The following NCALD variants were observed in gnomAD, a reference collection of about 807,000 sequenced individuals.
NCALD encodes the protein neurocalcin-delta.
NCALD carries 10 observed loss-of-function variants against 18.6 expected under a neutral mutation model. That is an observed-to-expected ratio of 0.54 (90% CI 0.33 to 0.91). NCALD has a LOEUF of 0.91. NCALD is among the 40% of genes least tolerant of loss of function. NCALD has a pLI of 0.03. For synonymous variants in NCALD, 88 were observed against 87.4 expected (o/e 1.01, Z -0.04); for missense variants, 184 against 247.6 (o/e 0.74, Z 1.72).
chr8:101,742,972 C>T (rs973374279), intron 1 of NCALD, among the ~76,000 whole-genome samples: 1 of 152,138 alleles, frequency 6.6e-6, no homozygotes, highest in Non-Finnish European at 1.5e-5. Flanking sequence ...TGGCTTCCAG[C>T]TCCATCCACG....
At chr8:101,878,717 A>AATCCCAAGTGG (rs1816334026) in intron 4 of NCALD, among the ~76,000 whole-genome samples, 4 of 152,246 alleles carry the variant, frequency 2.6e-5, no homozygotes, top group Non-Finnish European at 5.9e-5. Flanking sequence ...AAAATAAATC[A>AATCCCAAGTGG]GACTGATGAT....
rs146086292 is a variant in NCALD at position 101,762,157 on chromosome 8, T to C, written c.-20+28705A>G. On this transcript the variant is annotated intron_variant, in intron 1 of 3. Transcript: ENST00000220931. Reference sequence around the variant, plus strand: ...CAATATCCCGACTAATATATATGCATTTTCCCTAAATAGACCAGGAGCTTC... The same window carrying C: ...CAATATCCCGACTAATATATATGCACTTTCCCTAAATAGACCAGGAGCTTC... 9.9e-5 allele frequency among the ~76,000 whole-genome samples: 15 copies of C among 152,268 alleles called. No individual in the cohort carries two copies. In the East Asian group the frequency reaches 2.7e-3, roughly 27 times the overall value.
intron 2 of NCALD, among the ~76,000 whole-genome samples, chr8:101,979,743 T>C (rs1156535244): frequency 2.0e-5 from 3 of 152,172 alleles, no homozygotes; most frequent in Non-Finnish European, 2.9e-5. Flanking sequence ...GCTCAAATCA[T>C]TATAAAACAG....
intron 2 of NCALD, among the ~76,000 whole-genome samples, chr8:101,943,084 G>C (rs571939807): frequency 3.5e-4 from 53 of 152,310 alleles, no homozygotes; most frequent in African/African-American, 9.9e-4. Flanking sequence ...GAAGCAAAGA[G>C]TGTGTACAGA....
chr8:101,722,630 C>T (rs549870041), intron 1 of NCALD, among the ~76,000 whole-genome samples: 160 of 152,308 alleles, frequency 1.1e-3, no homozygotes, highest in African/African-American at 3.5e-3. Flanking sequence ...ACTGTTTCTT[C>T]ACAACCAAAC....
chr8:102,045,692 C>T (rs1369699035), intron 1 of NCALD, among the ~76,000 whole-genome samples: 1 of 152,084 alleles, frequency 6.6e-6, no homozygotes, highest in Non-Finnish European at 1.5e-5. Flanking sequence ...ACGCTGTATG[C>T]CCATACACGT....
intron 1 of NCALD, among the ~76,000 whole-genome samples, chr8:102,025,543 C>T (rs1477132541): frequency 1.3e-5 from 2 of 152,202 alleles, no homozygotes; most frequent in African/African-American, 4.8e-5. Context: ...TCCTTCTGTA[C>T]ATAATATTCT....
At chr8:101,724,920 A>G (rs1816507403) in intron 1 of NCALD, among the ~76,000 whole-genome samples, 1 of 152,216 alleles carries the variant, frequency 6.6e-6, no homozygotes, top group Non-Finnish European at 1.5e-5. Context: ...GAAGTAGTGA[A>G]GAAGAAGGAG....
At chr8:101,973,805 A>G (rs1820327506) in intron 2 of NCALD, among the ~76,000 whole-genome samples, 1 of 152,182 alleles carries the variant, frequency 6.6e-6, no homozygotes. Flanking sequence ...TATATCAAAG[A>G]ATCAGGCAAC....
upstream of NCALD, among the ~76,000 whole-genome samples, chr8:101,795,743 T>G (rs910495390): frequency 6.6e-6 from 1 of 152,174 alleles, no homozygotes; most frequent in Non-Finnish European, 1.5e-5. Flanking sequence ...GGATGATTCT[T>G]AAGTGGTGTG....
chr8:101,913,180 G>A (rs1817861368), intron 3 of NCALD, among the ~76,000 whole-genome samples: 1 of 152,166 alleles, frequency 6.6e-6, no homozygotes, highest in African/African-American at 2.4e-5. Context: ...CAAGAAGATG[G>A]AACACAATAC....
At chr8:101,757,366 A>G (rs949968990) in intron 1 of NCALD, among the ~76,000 whole-genome samples, 2 of 152,138 alleles carry the variant, frequency 1.3e-5, no homozygotes, top group South Asian at 4.1e-4. Context: ...TTACTTTCCA[A>G]CTGTTCGCTC....
At chr8:101,769,434 A>G (rs1811490502) in intron 1 of NCALD, among the ~76,000 whole-genome samples, 1 of 152,136 alleles carries the variant, frequency 6.6e-6, no homozygotes, top group South Asian at 2.1e-4. Flanking sequence ...TACTACCTAT[A>G]AGCTTTTAAG....
intron 4 of NCALD, among the ~76,000 whole-genome samples, chr8:101,799,789 A>C (rs571044154): frequency 1.1e-4 from 17 of 152,330 alleles, no homozygotes; most frequent in African/African-American, 4.1e-4. Context: ...AAGCCAGGAA[A>C]GTACGCTGGC....
intron 2 of NCALD, among the ~76,000 whole-genome samples, chr8:101,694,917 G>GTAGACAGCAGGTGTCTTTTCA (rs1488377227): frequency 6.6e-6 from 1 of 152,180 alleles, no homozygotes; most frequent in Non-Finnish European, 1.5e-5. Context: ...TTTAGTAACA[G>GTAGACAGCAGGTGTCTTTTCA]TAGACAGCAG....
chr8:102,025,107 T>A (rs927652195), intron 1 of NCALD, among the ~76,000 whole-genome samples: 1 of 152,190 alleles, frequency 6.6e-6, no homozygotes, highest in African/African-American at 2.4e-5. Context: ...CCTCCTAGGC[T>A]CGGCTCTAGC....
chr8:102,010,305 T>C (rs978548811), intron 2 of NCALD, among the ~76,000 whole-genome samples: 12 of 152,236 alleles, frequency 7.9e-5, no homozygotes, highest in Non-Finnish European at 1.2e-4. Flanking sequence ...ACTGTCTTGG[T>C]AAATTCCTTT....
At chr8:101,826,856 G>A (rs891200161) in intron 4 of NCALD, among the ~76,000 whole-genome samples, 7 of 152,094 alleles carry the variant, frequency 4.6e-5, no homozygotes, top group African/African-American at 1.7e-4. Context: ...TGTGCATAGA[G>A]TCACTGATGA....
chr8:102,039,216 G>A (rs1822968923), intron 1 of NCALD, among the ~76,000 whole-genome samples: 1 of 152,072 alleles, frequency 6.6e-6, no homozygotes, highest in Non-Finnish European at 1.5e-5. Context: ...TCTGTACTTG[G>A]ACTCCTGACC....
Sources: allele counts gnomAD v4.1 joint callset (sites outside exome capture counted in the v4.1 genomes callset), GRCh38; gene constraint gnomAD v4.1.1; transcripts MANE v1.5; gene names NCBI Gene and HGNC (gene_info 2026-07-23, HGNC 2026-07-21).